SH3D19: variants seen among roughly 807,000 people sequenced by gnomAD.
SH3D19 encodes the protein SH3 domain-containing protein 19.
Under a neutral mutation model 112.1 loss-of-function variants are expected in SH3D19, and 58 were observed. The observed-to-expected ratio is 0.52, with a 90% CI of 0.42 to 0.64. The LOEUF is 0.64. Ranked by LOEUF, SH3D19 falls within the 30% of genes least tolerant of loss-of-function variation. The pLI, the probability that SH3D19 is intolerant of heterozygous loss-of-function variation, is 0.00. For missense variants in SH3D19, 1,090 were observed against 1,263.4 expected, an observed-to-expected ratio of 0.86 and a Z score of 2.08; for synonymous variants, 391 against 448.5, an observed-to-expected ratio of 0.87 and a Z score of 1.62.
chr4:151,302,341 A>C (rs1199970702), intron 1 of SH3D19, among the ~76,000 whole-genome samples: 2 of 152,234 alleles, frequency 1.3e-5, no homozygotes, highest in East Asian at 3.9e-4. Flanking sequence ...CATTAACAAC[A>C]AAATATGACA....
chr4:151,277,858 T>A (rs1366367280), intron 1 of SH3D19, among the ~76,000 whole-genome samples: 1 of 152,102 alleles, frequency 6.6e-6, no homozygotes, highest in Non-Finnish European at 1.5e-5. Context: ...CTGGGCAACA[T>A]GGTGAAACCC....
intron 18 of SH3D19, 54 bp downstream of exon 18, chr4:151,128,116 G>T: frequency 6.9e-7 from 1 of 1,443,488 alleles, no homozygotes; most frequent in South Asian, 1.5e-5. Context: ...ATATAGTTTT[G>T]AAGGTTTCAG....
rs188872016 is a variant in SH3D19 at position 151,273,764 on chromosome 4, C to T, written c.113-47678G>A. ...AATAATAAGCTACCTTTACTCTAAACATGATCAGAAGGCAAATCTCAAACT... is the reference window on the plus strand; with the variant it reads ...AATAATAAGCTACCTTTACTCTAAATATGATCAGAAGGCAAATCTCAAACT... On this transcript the variant is annotated intron_variant, in intron 1 of 19. Transcript: ENST00000604030. 2.0e-5 allele frequency among the ~76,000 whole-genome samples: 3 copies of T among 152,204 alleles called. No individual in the cohort carries two copies. In the East Asian group the frequency reaches 5.8e-4, roughly 29 times the overall value.
chr4:151,136,627 T>C (rs1219887650), intron 14 of SH3D19, among the ~76,000 whole-genome samples: 1 of 152,232 alleles, frequency 6.6e-6, no homozygotes, highest in Non-Finnish European at 1.5e-5. Flanking sequence ...TTTAAACTTG[T>C]GGGCTTAGAA....
intron 2 of SH3D19, among the ~76,000 whole-genome samples, chr4:151,196,340 G>T (rs1561322886): frequency 6.6e-6 from 1 of 152,190 alleles, no homozygotes; most frequent in Non-Finnish European, 1.5e-5. Context: ...GAGGCAGGGG[G>T]ATGGCTTGAG....
intron 1 of SH3D19, among the ~76,000 whole-genome samples, chr4:151,298,264 G>A (rs1021932240): frequency 2.4e-5 from 3 of 126,124 alleles, no homozygotes; most frequent in Admixed American, 2.1e-4. Flanking sequence ...TGCAACCTCC[G>A]CCTCCCAGGT....
At chr4:151,255,815 A>T (rs1771852835) in intron 1 of SH3D19, among the ~76,000 whole-genome samples, 1 of 152,250 alleles carries the variant, frequency 6.6e-6, no homozygotes, top group African/African-American at 2.4e-5. Flanking sequence ...ACTTGCGGTT[A>T]GGGGCTGGAG....
At chr4:151,235,060 A>C (rs1488470330) in intron 1 of SH3D19, among the ~76,000 whole-genome samples, 1 of 151,818 alleles carries the variant, frequency 6.6e-6, no homozygotes, top group Non-Finnish European at 1.5e-5. Context: ...TCCAACTTTT[A>C]TTTTAGGTTC....
chr4:151,276,075 T>A (rs1055243370), intron 1 of SH3D19, among the ~76,000 whole-genome samples: 11 of 152,060 alleles, frequency 7.2e-5, no homozygotes, highest in Non-Finnish European at 1.2e-4. Context: ...ACTCCTGACC[T>A]CAGGTGATCC....
intron 4 of SH3D19, among the ~76,000 whole-genome samples, chr4:151,178,277 T>G (rs895331373): frequency 9.8e-5 from 15 of 152,314 alleles, no homozygotes; most frequent in African/African-American, 3.6e-4. Flanking sequence ...AATCAAGTTT[T>G]GATTGGAAAA....
chr4:151,192,960 CTT>C (rs879452146), intron 2 of SH3D19, among the ~76,000 whole-genome samples: 11 of 142,854 alleles, frequency 7.7e-5, no homozygotes, highest in Non-Finnish European at 7.7e-5. Context: ...TCCAATTCTT[CTT>C]TTTTTTTTTT....
chr4:151,158,457 G>A (rs1756541091), intron 9 of SH3D19, among the ~76,000 whole-genome samples: 2 of 151,860 alleles, frequency 1.3e-5, no homozygotes, highest in Admixed American at 1.3e-4. Flanking sequence ...ACGACACCAC[G>A]TCCGGCTAAT....
intron 9 of SH3D19, among the ~76,000 whole-genome samples, chr4:151,158,853 T>C (rs1756647697): frequency 6.6e-6 from 1 of 152,114 alleles, no homozygotes; most frequent in Admixed American, 6.6e-5. Context: ...AAAATTCTTA[T>C]GTTAATTATC....
At chr4:151,143,773 G>T in intron 12 of SH3D19, 137 bp downstream of exon 12, 3 of 951,402 alleles carry the variant, frequency 3.2e-6, no homozygotes, top group Non-Finnish European at 4.6e-6. Context: ...TCTAAAAGTA[G>T]AATAAATGCT....
intron 1 of SH3D19, chr4:151,282,232 C>A: frequency 6.2e-7 from 1 of 1,613,892 alleles, no homozygotes; most frequent in East Asian, 2.2e-5. Context: ...ACTACGTGTC[C>A]AAAATCGTCA....
At chr4:151,154,639 C>T (rs905394324) in intron 9 of SH3D19, among the ~76,000 whole-genome samples, 2 of 151,924 alleles carry the variant, frequency 1.3e-5, no homozygotes, top group African/African-American at 2.4e-5. Context: ...TGCAGTGGTG[C>T]GATCTCAGCT....
At chr4:151,272,122 T>G (rs934507844) in intron 1 of SH3D19, among the ~76,000 whole-genome samples, 25 of 152,206 alleles carry the variant, frequency 1.6e-4, no homozygotes, top group African/African-American at 6.0e-4. Context: ...AGATCCAACA[T>G]GTTTCTTGAT....
At position 151,325,555 on chromosome 4, in the gene SH3D19, C is replaced by T. The variant is rs1054942486; in HGVS notation, c.-203G>A. 2 of 288,888 alleles carry T rather than the reference C, an allele frequency of 6.9e-6. No homozygotes were observed. Among genetic ancestry groups the T allele is most frequent in the African/African-American group, 2.2e-5 (1 of 45,090 alleles). The allele number at this position is 288,888 out of a possible 1,614,324, so 17.9% of individuals were successfully genotyped here. A position where few individuals can be genotyped will look rare whatever the true frequency, so the allele number is the denominator to read the frequency against. On this transcript the variant is annotated 5_prime_UTR_variant, in exon 1 of 20. Transcript: ENST00000604030. ...CGGCCGGGCAGCGGCAGGGCGCGGGCCGAGCCGATTCCCCGCCTCCTTGCG... is the reference window on the plus strand; with the variant it reads ...CGGCCGGGCAGCGGCAGGGCGCGGGTCGAGCCGATTCCCCGCCTCCTTGCG...
intron 1 of SH3D19, among the ~76,000 whole-genome samples, chr4:151,235,792 A>C (rs1034376546): frequency 3.3e-5 from 5 of 152,198 alleles, no homozygotes; most frequent in Non-Finnish European, 4.4e-5. Flanking sequence ...TCTCAAAAAA[A>C]AATTTTTTTT....
Sources: gnomAD v4.1 joint callset for allele counts (sites outside exome capture counted in the v4.1 genomes callset) on GRCh38, gnomAD v4.1.1 for gene constraint, MANE v1.5 for transcripts, NCBI Gene and HGNC (gene_info 2026-07-23, HGNC 2026-07-21) for gene names.